The following MED4 variants were observed in gnomAD, a reference collection of about 807,000 sequenced individuals.
MED4 encodes the protein mediator of RNA polymerase II transcription subunit 4.
In MED4, 21 loss-of-function variants were observed where a neutral mutation model predicts 35.0. The observed-to-expected ratio is 0.60, with a 90% CI of 0.43 to 0.86. The LOEUF (loss-of-function observed/expected upper bound fraction) is 0.86. Among genes scored for constraint, MED4 ranks in the 40% least tolerant of loss-of-function variants. MED4 has a pLI of 0.00. For missense variants in MED4, 300 were observed against 319.4 expected (o/e 0.94, Z 0.46); for synonymous variants, 138 against 114.0 (o/e 1.21, Z -1.34).
chr13:48,089,591 A>G (rs548700059), intron 2 of MED4, among the ~76,000 whole-genome samples: 1 of 152,030 alleles, frequency 6.6e-6, no homozygotes, highest in Admixed American at 6.6e-5. Flanking sequence ...AAAAAAAAAA[A>G]TTTCTTTTAA....
chr13:48,077,882 C>T (rs936211574), intron 6 of MED4, among the ~76,000 whole-genome samples: 2 of 152,028 alleles, frequency 1.3e-5, no homozygotes, highest in African/African-American at 4.8e-5. Flanking sequence ...TTTGTAATTA[C>T]AAATTTTTCC....
At position 48,088,511 on chromosome 13, in the gene MED4, G is replaced by A. The variant is rs531005468; in HGVS notation, c.192+1841C>T. On this transcript the variant is annotated intron_variant, in intron 2 of 6. Transcript: ENST00000258648. ...TCCTCATTCCTCCCACATCGTAGGA[G>A]AAAGCTAGGTTTCCATTTCTATAAA... is the stretch of plus-strand genomic sequence containing the variant. Among the ~76,000 whole-genome samples, 8 of 152,304 alleles carry A rather than the reference G, an allele frequency of 5.3e-5. 1 individual carries two copies. The highest frequency in any genetic ancestry group is 1.9e-4 in the African/African-American group (8 of 41,560).
intron 6 of MED4, 112 bp downstream of exon 6, chr13:48,079,728 CAAAA>C: frequency 1.8e-6 from 2 of 1,125,958 alleles, no homozygotes; most frequent in Non-Finnish European, 2.5e-6. Context: ...CTCAAATTTA[CAAAA>C]AAAAAAAAAT....
At chr13:48,092,177 G>A (rs140069721) in intron 1 of MED4, among the ~76,000 whole-genome samples, 1 of 152,102 alleles carries the variant, frequency 6.6e-6, no homozygotes, top group African/African-American at 2.4e-5. Context: ...GCGCGATCTC[G>A]GCTCACCCCA....
At chr13:48,090,551 T>C in intron 1 of MED4, 133 bp from the exon 2 acceptor site, 1 of 604,838 alleles carries the variant, frequency 1.7e-6, no homozygotes, top group Non-Finnish European at 2.9e-6. Flanking sequence ...ACCAAACTTA[T>C]TTATAAAAGT....
intron 3 of MED4, among the ~76,000 whole-genome samples, chr13:48,085,574 C>G (rs1388640060): frequency 6.6e-6 from 1 of 152,150 alleles, no homozygotes; most frequent in Non-Finnish European, 1.5e-5. Context: ...ACTGCCCAGG[C>G]TTCTAGTTAC....
At chr13:48,078,157 A>C (rs1950775862) in intron 6 of MED4, among the ~76,000 whole-genome samples, 1 of 152,184 alleles carries the variant, frequency 6.6e-6, no homozygotes, top group East Asian at 1.9e-4. Context: ...GAGCACATAA[A>C]CAGGTATAGT....
In MED4 at chr13:48,080,396, C is replaced by CAAA. The variant is rs57198503; in HGVS notation, c.509-424_509-422dup. 5.1e-3 allele frequency among the ~76,000 whole-genome samples: 347 copies of CAAA among 68,270 alleles called. 14 individuals carry two copies. The highest frequency in any genetic ancestry group is 0.032 in the South Asian group (54 of 1,714). The allele number at this position is 68,270 out of a possible 152,430, so 44.8% of individuals were successfully genotyped here. A position where few individuals can be genotyped will look rare whatever the true frequency, so the allele number is the denominator to read the frequency against. On this transcript the variant is annotated intron_variant, in intron 5 of 6. Transcript: ENST00000258648. ...TGGGCCACAGAGCAAGACCCTGTCTCAAAAAAAAAAAAAAAAAAAAAAGAA... is the reference window on the plus strand; with the variant it reads ...TGGGCCACAGAGCAAGACCCTGTCTCAAAAAAAAAAAAAAAAAAAAAAAAAGAA...
At chr13:48,087,670 T>C (rs755265188) in intron 2 of MED4, among the ~76,000 whole-genome samples, 9 of 151,982 alleles carry the variant, frequency 5.9e-5, no homozygotes, top group Non-Finnish European at 7.4e-5. Context: ...ACCAACATGG[T>C]GAAACTTCGT....
intron 3 of MED4, among the ~76,000 whole-genome samples, chr13:48,084,265 CAAA>C (rs71099664): frequency 1.0e-4 from 11 of 109,956 alleles, no homozygotes; most frequent in Middle Eastern, 4.2e-3. Flanking sequence ...GACTCTGTCT[CAAA>C]AAAAAAAAAA....
intron 2 of MED4, among the ~76,000 whole-genome samples, chr13:48,088,861 G>A (rs1950870630): frequency 6.6e-6 from 1 of 152,054 alleles, no homozygotes; most frequent in South Asian, 2.1e-4. Flanking sequence ...ATTTTCAAAT[G>A]GGCACATCCC....
intron 6 of MED4, 100 bp downstream of exon 6, chr13:48,079,744 G>T: frequency 3.0e-6 from 4 of 1,349,252 alleles, no homozygotes; most frequent in South Asian, 1.4e-5. Context: ...AAAAAAAATT[G>T]TGTCGGGAAT....
At chr13:48,081,874 A>G in intron 4 of MED4, 143 bp from the exon 5 acceptor site, 1 of 486,662 alleles carries the variant, frequency 2.1e-6, no homozygotes. Flanking sequence ...CCTTAACAAT[A>G]CCTACATGTT....
chr13:48,090,250 CCACA>C lies in MED4; in HGVS notation c.192+98_192+101del, dbSNP rs1051726459. ...TTAAAAGGATCCAACATTCCTGTTCCCACACAAAGTAAATATAAAGAGGAAACTT... is the reference window on the plus strand; with the variant it reads ...TTAAAAGGATCCAACATTCCTGTTCCCAAAGTAAATATAAAGAGGAAACTT... On this transcript the variant is annotated intron_variant, in intron 2 of 6. Coordinates refer to ENST00000258648, the MANE Select transcript of MED4 (RefSeq NM_014166.4). 58 of 875,954 alleles carry C rather than the reference CCACA, an allele frequency of 6.6e-5. No homozygotes were observed. In the Admixed American group the frequency reaches 6.8e-4, roughly 10 times the overall value. The allele number at this position is 875,954 out of a possible 1,614,324, so 54.3% of individuals were successfully genotyped here. A position where few individuals can be genotyped will look rare whatever the true frequency, so the allele number is the denominator to read the frequency against.
At chr13:48,087,850 A>G (rs1950863873) in intron 2 of MED4, among the ~76,000 whole-genome samples, 1 of 151,764 alleles carries the variant, frequency 6.6e-6, no homozygotes, top group Non-Finnish European at 1.5e-5. Flanking sequence ...ACTTCGTCTC[A>G]GGAAAAAAAA....
intron 1 of MED4, among the ~76,000 whole-genome samples, chr13:48,094,678 A>G (rs12584738): frequency 0.039 from 5,953 of 152,080 alleles, 254 homozygotes; most frequent in East Asian, 0.097. Flanking sequence ...CTGAGCCCCC[A>G]AGGAGCGTTC....
chr13:48,083,344 G>C, intron 4 of MED4, 27 bp downstream of exon 4: 2 of 1,585,542 alleles, frequency 1.3e-6, no homozygotes, highest in African/African-American at 2.7e-5. Context: ...AACTTTTCAG[G>C]TCATTCAGTC....
intron 4 of MED4, among the ~76,000 whole-genome samples, 178 bp from the exon 5 acceptor site, chr13:48,081,909 A>G (rs1424450575): frequency 1.3e-5 from 2 of 152,208 alleles, no homozygotes; most frequent in African/African-American, 4.8e-5. Flanking sequence ...ATCTCCAAAA[A>G]CAGGACACTA....
intron 4 of MED4, among the ~76,000 whole-genome samples, chr13:48,082,471 C>T (rs1361588313): frequency 6.6e-6 from 1 of 152,196 alleles, no homozygotes; most frequent in African/African-American, 2.4e-5. Flanking sequence ...AACAGCCAGC[C>T]TCAGCCATCT....
Sources: allele counts gnomAD v4.1 joint callset (sites outside exome capture counted in the v4.1 genomes callset), GRCh38; gene constraint gnomAD v4.1.1; transcripts MANE v1.5; gene names NCBI Gene and HGNC (gene_info 2026-07-23, HGNC 2026-07-21).